NEK10: variants seen among roughly 807,000 people sequenced by gnomAD.
NEK10 encodes the protein serine/threonine-protein kinase Nek10.
Under a neutral mutation model 159.8 loss-of-function variants are expected in NEK10, and 122 were observed. The observed-to-expected ratio is 0.76, with a 90% CI of 0.66 to 0.89. The LOEUF is 0.89. Ranked by LOEUF, NEK10 falls within the 40% of genes least tolerant of loss-of-function variation. The pLI is 0.00. For synonymous variants in NEK10, 466 were observed against 457.1 expected, an observed-to-expected ratio of 1.02 and a Z score of -0.25; for missense variants, 1,342 against 1,323.1, an observed-to-expected ratio of 1.01 and a Z score of -0.22.
chr3:27,168,061 TCTTGGTACTATTA>T (rs1559543464), intron 29 of NEK10, among the ~76,000 whole-genome samples: 1 of 152,234 alleles, frequency 6.6e-6, no homozygotes, highest in Non-Finnish European at 1.5e-5. Flanking sequence ...TTAAGCTTTC[TCTTGGTACTATTA>T]ATATTTAGCC....
intron 28 of NEK10, among the ~76,000 whole-genome samples, chr3:27,172,718 A>T (rs1947123819): frequency 6.6e-6 from 1 of 152,174 alleles, no homozygotes; most frequent in South Asian, 2.1e-4. Context: ...CATATATCAA[A>T]ATATCACAAG....
At chr3:27,338,730 G>A (rs2046992100) in intron 5 of NEK10, among the ~76,000 whole-genome samples, 1 of 152,200 alleles carries the variant, frequency 6.6e-6, no homozygotes, top group Non-Finnish European at 1.5e-5. Flanking sequence ...GTCTTCTTTT[G>A]AGAAGTGTCT....
intron 20 of NEK10, among the ~76,000 whole-genome samples, chr3:27,286,023 T>G (rs2042565129): frequency 1.3e-5 from 2 of 151,586 alleles, no homozygotes; most frequent in Non-Finnish European, 2.9e-5. Context: ...TCCTCTTTAT[T>G]GCAATTTCCT....
chr3:27,282,556 A>ACACATAACTGTGTTT (rs2042254228), intron 22 of NEK10, among the ~76,000 whole-genome samples: 1 of 138,286 alleles, frequency 7.2e-6, no homozygotes, highest in African/African-American at 2.7e-5. Context: ...ATATATATAT[A>ACACATAACTGTGTTT]TATACATAAC....
At position 27,295,800 on chromosome 3, in the gene NEK10, A is replaced by T; in HGVS notation, c.1231-110T>A. ...TTAATATCAAAGAAGAAATATTAGT[A>T]TAACTATGGACCTTGAAGTAAACAT... On this transcript the variant is annotated intron_variant, in intron 14 of 35. Coordinates refer to ENST00000691995, the MANE Select transcript of NEK10 (RefSeq NM_001394966.1). The T allele has an allele frequency of 2.2e-6, 3 of 1,350,980 alleles. No individual in the cohort carries two copies. In the African/African-American group the frequency reaches 4.4e-5, roughly 20 times the overall value. The allele number at this position is 1,350,980 out of a possible 1,614,324, so 83.7% of individuals were successfully genotyped here.
At chr3:27,238,426 C>A (rs1954183981) in intron 23 of NEK10, among the ~76,000 whole-genome samples, 1 of 152,050 alleles carries the variant, frequency 6.6e-6, no homozygotes, top group South Asian at 2.1e-4. Context: ...TCATTTTCTG[C>A]AGAGAATATA....
chr3:27,356,659 C>T (rs6804440), intron 1 of NEK10, among the ~76,000 whole-genome samples: 23,797 of 152,130 alleles, frequency 0.16, 2,042 homozygotes, highest in Non-Finnish European at 0.2. Context: ...TTCCCATAAT[C>T]TCACACTGGC....
At chr3:27,162,546 G>A (rs1206547321) in intron 30 of NEK10, 155 bp downstream of exon 30, 1 of 1,614,158 alleles carries the variant, frequency 6.2e-7, no homozygotes, top group Non-Finnish European at 8.5e-7. Context: ...TTTCCTTAAT[G>A]TGGGCCCTGA....
chr3:27,182,676 C>T (rs991508673), intron 26 of NEK10, among the ~76,000 whole-genome samples: 2 of 151,866 alleles, frequency 1.3e-5, no homozygotes, highest in Non-Finnish European at 2.9e-5. Context: ...TCACAATGGC[C>T]AAGATTTGGA....
At chr3:27,300,575 A>G (rs923340616) in intron 13 of NEK10, among the ~76,000 whole-genome samples, 7 of 152,170 alleles carry the variant, frequency 4.6e-5, no homozygotes, top group Non-Finnish European at 1.0e-4. Flanking sequence ...CCCTGTAACC[A>G]TCCTCCACCC....
At chr3:27,277,671 G>A (rs2041867577) in intron 22 of NEK10, among the ~76,000 whole-genome samples, 1 of 152,082 alleles carries the variant, frequency 6.6e-6, no homozygotes, top group Non-Finnish European at 1.5e-5. Context: ...TGCACCAAAA[G>A]ATCCCTAAGG....
intron 23 of NEK10, among the ~76,000 whole-genome samples, chr3:27,207,012 G>A (rs1950597796): frequency 6.6e-6 from 1 of 152,092 alleles, no homozygotes; most frequent in Admixed American, 6.6e-5. Context: ...GTCACTTCAA[G>A]CAATCCTTTT....
chr3:27,344,471 T>C (rs1205255902), intron 4 of NEK10, 101 bp from the exon 5 acceptor site: 2 of 627,972 alleles, frequency 3.2e-6, no homozygotes, highest in East Asian at 5.6e-5. Flanking sequence ...AACATTTTTA[T>C]TATTACTAAC....
rs2045690462 is a variant in NEK10 at position 27,322,194 on chromosome 3, T to A, written c.430A>T (p.Arg144Trp). ...RVLICLRLLM[R>W]DPCYQEILHS... ...CAACCAACCTGATAACATGGATCCC[T>A]CATTAGTAGCCTCAGACAGATTAAC... is the stretch of plus-strand genomic sequence containing the variant. Residue 144 changes from arginine (R) to tryptophan (W), a missense_variant, in exon 6 of 36, where the codon AGG becomes TGG. By Grantham distance (101) the Arg-to-Trp change is moderately radical. Transcript: ENST00000691995. 1.9e-6 allele frequency: 3 copies of A among 1,554,616 alleles called. No individual in the cohort carries two copies. The highest frequency in any genetic ancestry group is 8.8e-7 in the Non-Finnish European group (1 of 1,142,458).
At chr3:27,279,380 ATGCT>A (rs2041990667) in intron 22 of NEK10, among the ~76,000 whole-genome samples, 1 of 152,228 alleles carries the variant, frequency 6.6e-6, no homozygotes, top group Non-Finnish European at 1.5e-5. Context: ...CTGTGGTGAC[ATGCT>A]TTCACACCCA....
intron 20 of NEK10, among the ~76,000 whole-genome samples, chr3:27,285,580 T>C (rs1248318664): frequency 6.6e-6 from 1 of 152,000 alleles, no homozygotes; most frequent in Non-Finnish European, 1.5e-5. Context: ...CCAGGTTTTA[T>C]CTTACAGATA....
intron 1 of NEK10, among the ~76,000 whole-genome samples, chr3:27,364,970 T>C (rs867479035): frequency 2.0e-5 from 3 of 152,084 alleles, no homozygotes; most frequent in Admixed American, 1.3e-4. Context: ...CCCAGTGAGG[T>C]TCATTCATTT....
intron 26 of NEK10, among the ~76,000 whole-genome samples, chr3:27,191,463 G>A (rs1463114194): frequency 2.0e-5 from 3 of 152,196 alleles, no homozygotes; most frequent in South Asian, 2.1e-4. Flanking sequence ...TGCACATGTG[G>A]ATATTTGTAG....
chr3:27,220,616 T>C (rs1348203659), intron 23 of NEK10, among the ~76,000 whole-genome samples: 1 of 152,116 alleles, frequency 6.6e-6, no homozygotes, highest in African/African-American at 2.4e-5. Context: ...AATTGGCAAA[T>C]TGATCTACAG....
Sources: allele counts gnomAD v4.1 joint callset (sites outside exome capture counted in the v4.1 genomes callset), GRCh38; gene constraint gnomAD v4.1.1; transcripts MANE v1.5; gene names NCBI Gene and HGNC (gene_info 2026-07-23, HGNC 2026-07-21).